The following XPO4 variants were observed in gnomAD, a reference collection of about 807,000 sequenced individuals.
XPO4 encodes the protein exportin 4.
XPO4 carries 39 observed loss-of-function variants against 143.0 expected under a neutral mutation model. The observed-to-expected ratio is 0.27, with a 90% CI of 0.21 to 0.36. The LOEUF is 0.36. Among genes scored for constraint, XPO4 ranks in the 10% least tolerant of loss-of-function variants. The pLI is 1.00. For missense variants in XPO4, 907 were observed against 1,348.0 expected (o/e 0.67, Z 5.12); for synonymous variants, 439 against 474.0 (o/e 0.93, Z 0.96).
chr13:20,830,444 A>G (rs958685414), intron 6 of XPO4, among the ~76,000 whole-genome samples: 12 of 152,210 alleles, frequency 7.9e-5, no homozygotes, highest in African/African-American at 2.9e-4. Flanking sequence ...AAACTAATCT[A>G]CAACACTGCA....
chr13:20,870,418 C>G (rs1396118418), intron 1 of XPO4, among the ~76,000 whole-genome samples: 1 of 150,072 alleles, frequency 6.7e-6, no homozygotes, highest in African/African-American at 2.5e-5. Flanking sequence ...GACAACAAAG[C>G]CAGACTCCAT....
intron 2 of XPO4, among the ~76,000 whole-genome samples, chr13:20,864,652 C>T (rs542077039): frequency 2.6e-5 from 4 of 152,304 alleles, no homozygotes; most frequent in African/African-American, 9.6e-5. Flanking sequence ...TGTTAATGAT[C>T]ACTGAAACAT....
At chr13:20,821,445 T>A (rs956308273) in intron 9 of XPO4, among the ~76,000 whole-genome samples, 24 of 152,230 alleles carry the variant, frequency 1.6e-4, no homozygotes, top group African/African-American at 5.5e-4. Context: ...GCTCATTTCA[T>A]TCCATCTCTT....
intron 7 of XPO4, among the ~76,000 whole-genome samples, chr13:20,822,685 T>C (rs187399178): frequency 7.5e-4 from 115 of 152,320 alleles, no homozygotes; most frequent in African/African-American, 2.7e-3. Context: ...ATAAAGAGTA[T>C]ATAGATGCTG....
Position 20,865,614 on chromosome 13 carries a change from A to G in XPO4, c.176-2756T>C, listed in dbSNP as rs184686188. ...TGAATTTTGTCAGCCATCTGAAACT[A>G]AACAGAAACATGAAGACAAAAGTTA... On this transcript the variant is annotated intron_variant, in intron 2 of 22. Coordinates refer to ENST00000255305, the MANE Select transcript of XPO4 (RefSeq NM_022459.5). 233 of 955,534 alleles carry G rather than the reference A, an allele frequency of 2.4e-4. No homozygotes were observed. The African/African-American group carries it at 3.9e-3, about 16-fold the overall frequency. 59.2% of individuals were successfully genotyped at this position (955,534 alleles called of 1,614,324 possible). A position where few individuals can be genotyped will look rare whatever the true frequency, so the allele number is the denominator to read the frequency against.
chr13:20,887,266 A>C (rs2060469694), intron 1 of XPO4, among the ~76,000 whole-genome samples: 1 of 152,176 alleles, frequency 6.6e-6, no homozygotes, highest in African/African-American at 2.4e-5. Flanking sequence ...AGAAATTTAT[A>C]CATCAATCCT....
intron 4 of XPO4, among the ~76,000 whole-genome samples, chr13:20,847,837 C>T (rs941121018): frequency 6.6e-6 from 1 of 152,088 alleles, no homozygotes; most frequent in Non-Finnish European, 1.5e-5. Context: ...CTTAAGACTT[C>T]TAAGAGGTTA....
At chr13:20,802,407 T>C (rs1374866046) in intron 13 of XPO4, among the ~76,000 whole-genome samples, 2 of 152,124 alleles carry the variant, frequency 1.3e-5, no homozygotes, top group African/African-American at 4.8e-5. Context: ...GTTTGAGTTT[T>C]TTAAAAAAAT....
At chr13:20,788,351 C>T (rs1355108706) in intron 20 of XPO4, 135 bp downstream of exon 20, 2 of 1,242,848 alleles carry the variant, frequency 1.6e-6, no homozygotes, top group Non-Finnish European at 2.2e-6. Flanking sequence ...GCCACCGTGC[C>T]TGGCCCAGGG....
At chr13:20,795,801 T>C (rs979525897) in intron 18 of XPO4, among the ~76,000 whole-genome samples, 3 of 152,168 alleles carry the variant, frequency 2.0e-5, no homozygotes, top group Admixed American at 2.0e-4. Flanking sequence ...AGAATAACAA[T>C]GGGATTGACT....
chr13:20,887,786 G>A (rs566554930), intron 1 of XPO4, among the ~76,000 whole-genome samples: 3 of 152,160 alleles, frequency 2.0e-5, no homozygotes, highest in East Asian at 3.9e-4. Flanking sequence ...ACTCGAATTC[G>A]GGAGGTGGAG....
intron 17 of XPO4, 112 bp downstream of exon 17, chr13:20,796,652 A>C: frequency 1.2e-6 from 1 of 856,210 alleles, no homozygotes; most frequent in Non-Finnish European, 1.6e-6. Flanking sequence ...CTTTTGAAGG[A>C]ATAAAAATAT....
At chr13:20,864,382 T>C (rs920968721) in intron 2 of XPO4, among the ~76,000 whole-genome samples, 28 of 152,142 alleles carry the variant, frequency 1.8e-4, no homozygotes, top group Non-Finnish European at 2.5e-4. Flanking sequence ...ACTGCAATAG[T>C]AAAAATTTTA....
chr13:20,807,730 T>G, intron 12 of XPO4, 96 bp from the exon 13 acceptor site: 1 of 891,794 alleles, frequency 1.1e-6, no homozygotes, highest in Admixed American at 3.9e-5. Flanking sequence ...ATACATCATA[T>G]AAATTGATGT....
At position 20,809,124 on chromosome 13, in the gene XPO4, T is replaced by C. The variant is rs1302179526; in HGVS notation, c.1452A>G (p.Leu484=). 6.2e-7 allele frequency: 1 copy of C among 1,614,102 alleles called. No homozygotes were observed. Among genetic ancestry groups the C allele is most frequent in the Non-Finnish European group, 8.5e-7 (1 of 1,179,948 alleles). The change falls in exon 11 of 23, where the codon CTA becomes CTG. Residue 484 remains leucine, a synonymous_variant. Coordinates refer to ENST00000255305, the MANE Select transcript of XPO4 (RefSeq NM_022459.5). ...FSDQLASVGM[L]GRIAAEHCIP... ...TACAGTGTTCTGCAGCAATTCTTCC[T>C]AGCATTCCTACACTGGCCAGTTGAT...
chr13:20,812,513 T>C (rs540970944), intron 9 of XPO4, among the ~76,000 whole-genome samples: 10 of 152,154 alleles, frequency 6.6e-5, no homozygotes, highest in Admixed American at 6.5e-4. Context: ...CGTCTTTACA[T>C]TGGAACCAAA....
chr13:20,891,033 C>T (rs994345010), intron 1 of XPO4, among the ~76,000 whole-genome samples: 76 of 145,430 alleles, frequency 5.2e-4, no homozygotes, highest in Non-Finnish European at 8.5e-4. Flanking sequence ...AGGAGAGTTG[C>T]TTGAATCCGA....
At chr13:20,844,256 G>A (rs2060008091) in intron 4 of XPO4, among the ~76,000 whole-genome samples, 1 of 152,156 alleles carries the variant, frequency 6.6e-6, no homozygotes, top group Non-Finnish European at 1.5e-5. Flanking sequence ...TTACATTTGA[G>A]AGAAGTGACC....
At chr13:20,831,804 A>ATTTTTTTTTTT (rs34302388) in intron 6 of XPO4, among the ~76,000 whole-genome samples, 6 of 88,786 alleles carry the variant, frequency 6.8e-5, no homozygotes, top group Admixed American at 1.4e-4. Flanking sequence ...TAGTACAGTG[A>ATTTTTTTTTTT]TTTTTTTTTT....
Sources: gnomAD v4.1 joint callset for allele counts (sites outside exome capture counted in the v4.1 genomes callset) on GRCh38, gnomAD v4.1.1 for gene constraint, MANE v1.5 for transcripts, NCBI Gene and HGNC (gene_info 2026-07-23, HGNC 2026-07-21) for gene names.